The following AHCTF1 variants were observed in gnomAD, a reference collection of about 807,000 sequenced individuals.
The protein encoded by AHCTF1 is AT-hook containing transcription factor 1.
AHCTF1 carries 24 observed loss-of-function variants against 248.4 expected under a neutral mutation model. The observed-to-expected ratio is 0.10, with a 90% CI of 0.07 to 0.14. The LOEUF is 0.14. Ranked by LOEUF, AHCTF1 falls within the 10% of genes least tolerant of loss-of-function variation. The pLI is 1.00. For synonymous variants in AHCTF1, 786 were observed against 929.8 expected, an observed-to-expected ratio of 0.85 and a Z score of 2.81; for missense variants, 2,206 against 2,636.2, an observed-to-expected ratio of 0.84 and a Z score of 3.57.
chr1:246,854,191 C>T (rs554552698), intron 31 of AHCTF1, among the ~76,000 whole-genome samples: 43 of 150,070 alleles, frequency 2.9e-4, no homozygotes, highest in African/African-American at 9.8e-4. Context: ...CCCAGCTACT[C>T]GGGAGACTGA....
chr1:246,908,912 A>T (rs1337389949), intron 4 of AHCTF1, among the ~76,000 whole-genome samples: 1 of 151,542 alleles, frequency 6.6e-6, no homozygotes, highest in Non-Finnish European at 1.5e-5. Flanking sequence ...GAAAAAAAAA[A>T]AAAAGAATCT....
At chr1:246,874,144 G>C (rs1662783263) in intron 24 of AHCTF1, among the ~76,000 whole-genome samples, 1 of 151,952 alleles carries the variant, frequency 6.6e-6, no homozygotes, top group African/African-American at 2.4e-5. Flanking sequence ...TAAAACTCAT[G>C]ACAAAGGGTG....
rs1553287608 is a variant in AHCTF1 at position 246,857,964 on chromosome 1, C to CT, written c.4133-151dup. 7.4e-4 allele frequency: 365 copies of CT among 493,332 alleles called. 1 individual carries two copies. The highest frequency in any genetic ancestry group is 1.1e-3 in the South Asian group (35 of 31,740). 30.6% of individuals were successfully genotyped at this position (493,332 alleles called of 1,614,324 possible). A position where few individuals can be genotyped will look rare whatever the true frequency, so the allele number is the denominator to read the frequency against. On this transcript the variant is annotated intron_variant, in intron 29 of 35. Transcript: ENST00000648844. The stretch of plus-strand genomic sequence containing the variant: ...GTTATCAGACTGCTAACACTTTCTT[C>CT]TTTTTTTTTTTTTGAGATGGAGTCT...
Position 246,891,073 on chromosome 1 carries a change from G to C in AHCTF1, c.1946-13C>G. ...AAGTCTATCAGTCCTGTAAAGAAGA[G>C]TTAACATCAGTTGTTTACTTACAAA... On this transcript the variant is annotated splice_polypyrimidine_tract_variant and intron_variant, in intron 15 of 35. Transcript: ENST00000648844. The C allele has an allele frequency of 6.7e-7, 1 of 1,502,032 alleles. No individual in the cohort carries two copies. Among genetic ancestry groups the C allele is most frequent in the Non-Finnish European group, 8.9e-7 (1 of 1,125,152 alleles). 93.0% of individuals were successfully genotyped at this position (1,502,032 alleles called of 1,614,324 possible). A position where few individuals can be genotyped will look rare whatever the true frequency, so the allele number is the denominator to read the frequency against.
In AHCTF1 at chr1:246,888,159, T is replaced by C. The variant is rs1475317154; in HGVS notation, c.2325+18A>G. 1 of 1,612,240 alleles carries C rather than the reference T, an allele frequency of 6.2e-7. No individual in the cohort carries two copies. Among genetic ancestry groups the C allele is most frequent in the Non-Finnish European group, 8.5e-7 (1 of 1,179,100 alleles). On this transcript the variant is annotated intron_variant, in intron 19 of 35. Coordinates refer to ENST00000648844, the MANE Select transcript of AHCTF1 (RefSeq NM_001323342.2). ...TTTTAGTAATACATGAAACACTGGATAAAACTTAAAAGGATACAATAGAGT... is the reference window on the plus strand; with the variant it reads ...TTTTAGTAATACATGAAACACTGGACAAAACTTAAAAGGATACAATAGAGT...
Position 246,893,070 on chromosome 1 carries a change from A to C in AHCTF1, c.1805-1151T>G, listed in dbSNP as rs118170973. 9.8e-5 allele frequency among the ~76,000 whole-genome samples: 15 copies of C among 152,316 alleles called. No homozygotes were observed. The East Asian group carries it at 2.9e-3, about 29-fold the overall frequency. ...TCAAAGCAGCAACAGCTGAACTACC[A>C]AGTTAAACCCCCAACACTACATTAT... On this transcript the variant is annotated intron_variant, in intron 14 of 35. Coordinates refer to ENST00000648844, the MANE Select transcript of AHCTF1 (RefSeq NM_001323342.2).
At position 246,898,314 on chromosome 1, in the gene AHCTF1, G is replaced by A. The variant is rs1343156745; in HGVS notation, c.1517C>T (p.Ser506Leu). The change falls in exon 12 of 36, where the codon TCA becomes TTA. Residue 506 changes from serine to leucine, a missense_variant. This residue lies in a region of AHCTF1 where 650 missense variants were observed against 870.8 expected (regional missense o/e 0.75). Transcript: ENST00000648844. The part of the protein sequence containing the change: ...QKETLTFLKK[S>L]GPSLNELIPD... The stretch of plus-strand genomic sequence containing the variant: ...AATGAGTTCATTGAGTGATGGACCT[G>A]ATTTCTTTAAAAAAGTCAAAGTCTG... 20 of 1,613,080 alleles carry A rather than the reference G, an allele frequency of 1.2e-5. No homozygotes were observed. The highest frequency in any genetic ancestry group is 1.6e-5 in the Non-Finnish European group (19 of 1,179,712).
In AHCTF1 at chr1:246,895,918, T is replaced by C; in HGVS notation, c.1631A>G (p.Gln544Arg). The C allele has an allele frequency of 6.2e-7, 1 of 1,612,630 alleles. No individual in the cohort carries two copies. The highest frequency in any genetic ancestry group is 8.5e-7 in the Non-Finnish European group (1 of 1,179,138). Residue 544 changes from glutamine to arginine, a missense_variant, in exon 13 of 36, where the codon CAG becomes CGG. Transcript: ENST00000648844. ...TGCTGCTGACAATATAGCTTCTAAC[T>C]GTTCTTCCTAAACCATGCATTACAG... ...VQPSSLSQEE[Q>R]LEAILSAAIQ... is the part of the protein sequence containing the mutation.
At chr1:246,914,218 T>C (rs1446622790) in intron 3 of AHCTF1, among the ~76,000 whole-genome samples, 1 of 152,224 alleles carries the variant, frequency 6.6e-6, no homozygotes, top group East Asian at 1.9e-4. Flanking sequence ...GTATGATATA[T>C]GATAAAATGT....
intron 16 of AHCTF1, 51 bp from the exon 17 acceptor site, chr1:246,890,110 C>T: frequency 1.6e-6 from 2 of 1,233,542 alleles, no homozygotes; most frequent in South Asian, 1.3e-5. Context: ...CCAAATATCT[C>T]AACAATACAT....
chr1:246,895,028 TA>T (rs35083660), intron 13 of AHCTF1, among the ~76,000 whole-genome samples: 6,473 of 144,536 alleles, frequency 0.045, 226 homozygotes, highest in African/African-American at 0.092. Flanking sequence ...CTAATTCCTT[TA>T]AAAAAAAAAA....
In AHCTF1 at chr1:246,855,826, T is replaced by C; in HGVS notation, c.4258A>G (p.Lys1420Glu). 1 of 1,612,256 alleles carries C rather than the reference T, an allele frequency of 6.2e-7. No individual in the cohort carries two copies. The highest frequency in any genetic ancestry group is 1.1e-5 in the South Asian group (1 of 90,794). The change falls in exon 31 of 36, where the codon AAA (lysine) becomes GAA (glutamate). Residue 1420 changes from lysine to glutamate, a missense_variant and splice_region_variant. This residue lies in a region of AHCTF1 where 955 missense variants were observed against 1,055.6 expected (regional missense o/e 0.90). Transcript: ENST00000648844. ...SLCAPSVYEG[K>E]IFTQKSKVPV... is the part of the protein sequence containing the mutation. ...ACCTTGGACTTCTGGGTGAAGATTTTCCTTTAGAAAAAGAAATACATACCT... is the reference window on the plus strand; with the variant it reads ...ACCTTGGACTTCTGGGTGAAGATTTCCCTTTAGAAAAAGAAATACATACCT...
chr1:246,875,991 CTT>C, intron 24 of AHCTF1, 44 bp downstream of exon 24: 1 of 1,508,710 alleles, frequency 6.6e-7, no homozygotes, highest in Non-Finnish European at 9.0e-7. Flanking sequence ...CATTCAGTAT[CTT>C]TTTTGATCCA....
chr1:246,892,260 A>G lies in AHCTF1; in HGVS notation c.1805-341T>C, dbSNP rs1435329241. ...ACTGGTCTAGAAAACAACTGTCTTCATTCTAAAATCCTTCTTTAAATCAAA... is the reference window on the plus strand; with the variant it reads ...ACTGGTCTAGAAAACAACTGTCTTCGTTCTAAAATCCTTCTTTAAATCAAA... On this transcript the variant is annotated intron_variant, in intron 14 of 35. Coordinates refer to ENST00000648844, the MANE Select transcript of AHCTF1 (RefSeq NM_001323342.2). 2.1e-5 allele frequency among the ~76,000 whole-genome samples: 3 copies of G among 145,360 alleles called. No homozygotes were observed. In the East Asian group the frequency reaches 6.0e-4, roughly 29 times the overall value.
Position 246,853,406 on chromosome 1 carries a change from AATAAACTATCAC to A in AHCTF1, c.4355-119_4355-108del, listed in dbSNP as rs1343494388. The A allele has an allele frequency of 3.7e-6, 3 of 819,918 alleles. No homozygotes were observed. In the African/African-American group the frequency reaches 5.2e-5, roughly 14 times the overall value. The allele number at this position is 819,918 out of a possible 1,614,324, so 50.8% of individuals were successfully genotyped here. ...CTACACTGCACTTGAATAGTGTATT[AATAAACTATCAC>A]AATGCCAGAAAAGTCTGCAACTTCT... On this transcript the variant is annotated intron_variant, in intron 31 of 35. Transcript: ENST00000648844.
intron 24 of AHCTF1, among the ~76,000 whole-genome samples, chr1:246,870,624 T>C (rs1265620099): frequency 6.7e-6 from 1 of 149,502 alleles, no homozygotes; most frequent in Non-Finnish European, 1.5e-5. Flanking sequence ...GAGAAAAGTA[T>C]AATATGTAAG....
intron 1 of AHCTF1, among the ~76,000 whole-genome samples, chr1:246,930,228 TCA>T (rs1167252303): frequency 6.6e-6 from 1 of 152,122 alleles, no homozygotes; most frequent in East Asian, 1.9e-4. Flanking sequence ...CCTCGAACTC[TCA>T]GTTTGAGGCT....
chr1:246,919,883 C>T (rs1242472962), intron 1 of AHCTF1, among the ~76,000 whole-genome samples: 1 of 151,692 alleles, frequency 6.6e-6, no homozygotes, highest in African/African-American at 2.4e-5. Flanking sequence ...GTGGCTCATG[C>T]CTGTAACACC....
intron 27 of AHCTF1, among the ~76,000 whole-genome samples, chr1:246,863,091 A>T (rs1661693945): frequency 6.6e-6 from 1 of 152,232 alleles, no homozygotes; most frequent in Non-Finnish European, 1.5e-5. Flanking sequence ...AGCTGTAGAG[A>T]ATACAAAGTG....
Sources: gnomAD v4.1 joint callset for allele counts (sites outside exome capture counted in the v4.1 genomes callset) on GRCh38, gnomAD v4.1.1 for gene constraint, gnomAD v4.1.1 regional missense constraint, MANE v1.5 for transcripts, NCBI Gene and HGNC (gene_info 2026-07-23, HGNC 2026-07-21) for gene names.